The following SNX29 variants were observed in gnomAD, a reference collection of about 807,000 sequenced individuals.
The protein encoded by SNX29 is sorting nexin-29.
A neutral mutation model predicts 102.1 loss-of-function variants in SNX29; 78 were observed. The observed-to-expected ratio is 0.76, with a 90% CI of 0.64 to 0.92. SNX29 has a LOEUF of 0.92. SNX29 is among the 40% of genes least tolerant of loss of function. The pLI, the probability that SNX29 is intolerant of heterozygous loss-of-function variation, is 0.00. For missense variants in SNX29, 1,280 were observed against 1,061.7 expected, an observed-to-expected ratio of 1.21 and a Z score of -2.86; for synonymous variants, 580 against 414.5, an observed-to-expected ratio of 1.40 and a Z score of -4.85.
intron 14 of SNX29, among the ~76,000 whole-genome samples, chr16:12,229,611 T>G (rs2142184628): frequency 6.6e-6 from 1 of 152,158 alleles, no homozygotes; most frequent in East Asian, 1.9e-4. Context: ...TTTTTTTTTT[T>G]GACTGTCACA....
intron 18 of SNX29, among the ~76,000 whole-genome samples, chr16:12,473,515 G>A (rs1341552676): frequency 1.3e-5 from 2 of 152,196 alleles, no homozygotes; most frequent in African/African-American, 2.4e-5. Context: ...CTGGGTCACT[G>A]CAGCAGAGCA....
intron 18 of SNX29, among the ~76,000 whole-genome samples, chr16:12,418,570 G>A (rs561641728): frequency 1.8e-4 from 27 of 151,556 alleles, no homozygotes; most frequent in African/African-American, 5.8e-4. Flanking sequence ...GCTGGAGTGC[G>A]GTGGCACGAT....
At chr16:12,424,664 A>T (rs2084988128) in intron 18 of SNX29, among the ~76,000 whole-genome samples, 1 of 152,196 alleles carries the variant, frequency 6.6e-6, no homozygotes, top group South Asian at 2.1e-4. Context: ...GAATCAGGCT[A>T]TTATTTATTT....
chr16:12,182,189 G>GTTTTTTTTTTTTTTTTT (rs67550670), intron 13 of SNX29, among the ~76,000 whole-genome samples: 2 of 122,052 alleles, frequency 1.6e-5, no homozygotes, highest in African/African-American at 3.1e-5. Context: ...GCCCGGCCTA[G>GTTTTTTTTTTTTTTTTT]TTTTTTTTTT....
intron 20 of SNX29, among the ~76,000 whole-genome samples, chr16:12,564,534 G>A (rs1002872022): frequency 2.0e-5 from 3 of 152,190 alleles, no homozygotes; most frequent in Non-Finnish European, 4.4e-5. Context: ...TCTGAATATG[G>A]AGTTAAGGCC....
At chr16:12,221,739 C>T (rs560233758) in intron 14 of SNX29, among the ~76,000 whole-genome samples, 1 of 152,202 alleles carries the variant, frequency 6.6e-6, no homozygotes, top group Non-Finnish European at 1.5e-5. Flanking sequence ...ACATCCGTCG[C>T]ATTTGCTGGA....
chr16:11,987,231 A>AT (rs962645965), intron 1 of SNX29, among the ~76,000 whole-genome samples: 42 of 147,518 alleles, frequency 2.8e-4, no homozygotes, highest in South Asian at 1.1e-3. Flanking sequence ...TACCTGGCTA[A>AT]TTTTTTTTTT....
chr16:12,415,431 C>T (rs986600825), intron 18 of SNX29, among the ~76,000 whole-genome samples: 1 of 152,250 alleles, frequency 6.6e-6, no homozygotes, highest in Non-Finnish European at 1.5e-5. Context: ...TGGATGAGGC[C>T]TTGTAATTAC....
At chr16:12,057,409 A>T (rs953679579) in intron 8 of SNX29, among the ~76,000 whole-genome samples, 1 of 152,162 alleles carries the variant, frequency 6.6e-6, no homozygotes, top group African/African-American at 2.4e-5. Context: ...GGCTGCAGGG[A>T]TGGTGCACAG....
intron 15 of SNX29, among the ~76,000 whole-genome samples, chr16:12,339,041 G>T (rs1043712081): frequency 6.6e-6 from 1 of 152,146 alleles, no homozygotes; most frequent in Non-Finnish European, 1.5e-5. Flanking sequence ...TTTGAATTCA[G>T]TGGAAAGAGA....
At chr16:12,536,031 T>TTTGA (rs1278957341) in intron 20 of SNX29, among the ~76,000 whole-genome samples, 1 of 152,154 alleles carries the variant, frequency 6.6e-6, no homozygotes, top group African/African-American at 2.4e-5. Context: ...CCGTTCCTAA[T>TTTGA]TTGATTGCCC....
chr16:12,513,745 A>C (rs1190305072), intron 19 of SNX29, among the ~76,000 whole-genome samples: 1 of 152,232 alleles, frequency 6.6e-6, no homozygotes, highest in Non-Finnish European at 1.5e-5. Context: ...CCCCAAATTA[A>C]TCAGGGGAGG....
intron 16 of SNX29, among the ~76,000 whole-genome samples, chr16:12,361,394 A>G (rs781384684): frequency 2.0e-4 from 31 of 152,270 alleles, no homozygotes; most frequent in Non-Finnish European, 2.5e-4. Context: ...ACGTCAGTGC[A>G]TCATTCTCAT....
intron 14 of SNX29, among the ~76,000 whole-genome samples, chr16:12,209,450 A>T (rs1347568472): frequency 6.6e-6 from 1 of 152,176 alleles, no homozygotes. Flanking sequence ...TTGGCCTCCC[A>T]AAGTGCTGGG....
At position 12,570,705 on chromosome 16, in the gene SNX29, C is replaced by T. The variant is rs36021485; in HGVS notation, c.*2076C>T. 6 of 232,022 alleles carry T rather than the reference C, an allele frequency of 2.6e-5. No homozygotes were observed. The highest frequency in any genetic ancestry group is 4.4e-5 in the African/African-American group (2 of 45,258). The allele number at this position is 232,022 out of a possible 1,614,324, so 14.4% of individuals were successfully genotyped here. A position where few individuals can be genotyped will look rare whatever the true frequency, so the allele number is the denominator to read the frequency against. On this transcript the variant is annotated 3_prime_UTR_variant, in exon 21 of 21. Transcript: ENST00000566228. Reference sequence around the variant, plus strand: ...CCTTTTCTGACACCTGCCCCCAAAGCACAGGATGTGAATTGGTCTCTCTCC... The same window carrying T: ...CCTTTTCTGACACCTGCCCCCAAAGTACAGGATGTGAATTGGTCTCTCTCC...
intron 20 of SNX29, among the ~76,000 whole-genome samples, chr16:12,535,594 G>C (rs1362091046): frequency 1.3e-5 from 2 of 152,156 alleles, no homozygotes; most frequent in South Asian, 2.1e-4. Flanking sequence ...CGATTGGCAA[G>C]CCTCTACCCT....
At chr16:12,441,534 T>C (rs1371026251) in intron 18 of SNX29, among the ~76,000 whole-genome samples, 1 of 152,230 alleles carries the variant, frequency 6.6e-6, no homozygotes, top group African/African-American at 2.4e-5. Flanking sequence ...CCTATACTAG[T>C]CTCTGTGTGA....
chr16:12,302,822 T>A (rs2080221581), intron 15 of SNX29, among the ~76,000 whole-genome samples: 1 of 152,236 alleles, frequency 6.6e-6, no homozygotes, highest in Admixed American at 6.5e-5. Flanking sequence ...GAATGCATTT[T>A]AAAAGACATC....
intron 20 of SNX29, 44 bp downstream of exon 20, chr16:12,524,885 A>T: frequency 6.3e-7 from 1 of 1,592,602 alleles, no homozygotes; most frequent in Non-Finnish European, 8.6e-7. Context: ...CCCTGCCAGC[A>T]TTTTTTTCTC....
Sources: gnomAD v4.1 joint callset for allele counts (sites outside exome capture counted in the v4.1 genomes callset) on GRCh38, gnomAD v4.1.1 for gene constraint, MANE v1.5 for transcripts, NCBI Gene and HGNC (gene_info 2026-07-23, HGNC 2026-07-21) for gene names.